MNAT1: variants seen among roughly 807,000 people sequenced by gnomAD.
The protein encoded by MNAT1 is MNAT1 component of CDK activating kinase.
Under a neutral mutation model 42.0 loss-of-function variants are expected in MNAT1, and 43 were observed. That is an observed-to-expected ratio of 1.02 (90% CI 0.80 to 1.32). The LOEUF (loss-of-function observed/expected upper bound fraction) is 1.32. MNAT1 is among the 40% of genes most tolerant of loss of function. The probability of loss-of-function intolerance (pLI) is 0.00; values close to 1 mark genes in which losing one functional copy is unlikely to be tolerated. For missense variants in MNAT1, 306 were observed against 350.4 expected, an observed-to-expected ratio of 0.87 and a Z score of 1.01; for synonymous variants, 118 against 120.0, an observed-to-expected ratio of 0.98 and a Z score of 0.11.
intron 4 of MNAT1, among the ~76,000 whole-genome samples, chr14:60,810,553 G>A (rs1474491411): frequency 6.6e-6 from 1 of 151,948 alleles, no homozygotes; most frequent in African/African-American, 2.4e-5. Context: ...GTTTTTGTTT[G>A]TCCTGAGGTA....
chr14:60,944,209 G>T (rs2036229939), intron 7 of MNAT1, among the ~76,000 whole-genome samples: 1 of 152,166 alleles, frequency 6.6e-6, no homozygotes, highest in African/African-American at 2.4e-5. Flanking sequence ...CTCTTACCCT[G>T]AAGAAAATGA....
chr14:60,908,873 T>C (rs1350801469), intron 7 of MNAT1, among the ~76,000 whole-genome samples: 1 of 152,220 alleles, frequency 6.6e-6, no homozygotes, highest in South Asian at 2.1e-4. Flanking sequence ...GTATTTCTAG[T>C]TCTAGATCCC....
At chr14:60,765,959 A>T (rs1053473083) in intron 1 of MNAT1, among the ~76,000 whole-genome samples, 1 of 152,224 alleles carries the variant, frequency 6.6e-6, no homozygotes, top group African/African-American at 2.4e-5. Flanking sequence ...CTTAAAAATG[A>T]TTAATTCTTT....
chr14:60,941,371 A>G (rs543358497), intron 7 of MNAT1, among the ~76,000 whole-genome samples: 1 of 152,186 alleles, frequency 6.6e-6, no homozygotes. Flanking sequence ...GTGAAACAAA[A>G]GTTTGTTCTC....
At chr14:60,803,424 C>CT (rs2032271659) in intron 3 of MNAT1, among the ~76,000 whole-genome samples, 3 of 152,286 alleles carry the variant, frequency 2.0e-5, no homozygotes, top group East Asian at 1.9e-4. Flanking sequence ...TTTTGAAACT[C>CT]TAAGAGACAG....
At chr14:60,898,127 G>A (rs1423550501) in intron 7 of MNAT1, among the ~76,000 whole-genome samples, 1 of 93,008 alleles carries the variant, frequency 1.1e-5, no homozygotes, top group Non-Finnish European at 2.3e-5. Context: ...GTGTGTGTGT[G>A]TGTGTGTGTG....
chr14:60,865,482 A>G (rs2034183582), intron 6 of MNAT1, among the ~76,000 whole-genome samples: 1 of 152,128 alleles, frequency 6.6e-6, no homozygotes, highest in African/African-American at 2.4e-5. Flanking sequence ...AAATTAATGC[A>G]GACTCTTTTA....
chr14:60,869,023 C>CATATATATATATATATATATATAT (rs1169429243), intron 6 of MNAT1, among the ~76,000 whole-genome samples: 34 of 101,736 alleles, frequency 3.3e-4, no homozygotes, highest in Admixed American at 6.0e-4. Context: ...TTATTTTATA[C>CATATATATATATATATATATATAT]ATATATATAT....
chr14:60,798,401 A>T (rs894345622), intron 3 of MNAT1, among the ~76,000 whole-genome samples: 5 of 152,226 alleles, frequency 3.3e-5, no homozygotes, highest in Non-Finnish European at 7.3e-5. Flanking sequence ...GTAACACTTC[A>T]TAGCTGGGGA....
In MNAT1 at chr14:60,797,008, A is replaced by G. The variant is rs140711305; in HGVS notation, c.242+639A>G. Among the ~76,000 whole-genome samples the G allele has an allele frequency of 3.5e-3, 529 of 152,128 alleles. 3 individuals are homozygous for G. The highest frequency in any genetic ancestry group is 0.012 in the African/African-American group (512 of 41,524). Reference sequence around the variant, plus strand: ...TATATGTGTGTATATATGTATATATATACCTATATATTATTAATCTGTCTT... The same window carrying G: ...TATATGTGTGTATATATGTATATATGTACCTATATATTATTAATCTGTCTT... On this transcript the variant is annotated intron_variant, in intron 2 of 7. Transcript: ENST00000261245.
intron 1 of MNAT1, among the ~76,000 whole-genome samples, chr14:60,776,237 C>T (rs577998596): frequency 6.6e-6 from 1 of 151,970 alleles, no homozygotes; most frequent in Admixed American, 6.6e-5. Flanking sequence ...GATGGGAGCT[C>T]CTTGTGAGGT....
chr14:60,789,023 A>G (rs575177942), intron 1 of MNAT1, among the ~76,000 whole-genome samples: 9 of 152,234 alleles, frequency 5.9e-5, no homozygotes, highest in African/African-American at 1.4e-4. Context: ...CTTTTGGGCT[A>G]TCTCAGCTTA....
chr14:60,788,663 C>T (rs1267955924), intron 1 of MNAT1, among the ~76,000 whole-genome samples: 1 of 152,196 alleles, frequency 6.6e-6, no homozygotes, highest in Non-Finnish European at 1.5e-5. Flanking sequence ...GCCTCCATAT[C>T]AGCACTTGCT....
intron 7 of MNAT1, among the ~76,000 whole-genome samples, chr14:60,901,770 A>G (rs372201145): frequency 5.3e-5 from 8 of 152,338 alleles, no homozygotes; most frequent in South Asian, 2.1e-4. Flanking sequence ...CTGAATTACT[A>G]CAGTCTTATA....
At chr14:60,966,774 A>G (rs1315459754) in intron 7 of MNAT1, among the ~76,000 whole-genome samples, 1 of 152,188 alleles carries the variant, frequency 6.6e-6, no homozygotes, top group African/African-American at 2.4e-5. Flanking sequence ...TTGGCCTTCC[A>G]AAGTGCTGGG....
intron 7 of MNAT1, among the ~76,000 whole-genome samples, chr14:60,942,655 G>A (rs1001350892): frequency 1.3e-5 from 2 of 151,750 alleles, no homozygotes; most frequent in African/African-American, 2.4e-5. Flanking sequence ...ATATTAAATC[G>A]AAAATTTGTA....
Position 60,838,218 on chromosome 14 carries a change from T to C in MNAT1, c.687+19371T>C, listed in dbSNP as rs4151245. Among the ~76,000 whole-genome samples the C allele has an allele frequency of 4.9e-3, 750 of 151,996 alleles. 6 individuals are homozygous for C. The highest frequency in any genetic ancestry group is 0.017 in the African/African-American group (717 of 41,454). On this transcript the variant is annotated intron_variant, in intron 6 of 7. Coordinates refer to ENST00000261245, the MANE Select transcript of MNAT1 (RefSeq NM_002431.4). ...GGGGGCGATCACTGCTCAATGCAGG[T>C]TCTACTTCCTGGGCTCAAGCAGTTA...
At chr14:60,775,996 G>C (rs1266696750) in intron 1 of MNAT1, among the ~76,000 whole-genome samples, 1 of 152,200 alleles carries the variant, frequency 6.6e-6, no homozygotes, top group Non-Finnish European at 1.5e-5. Flanking sequence ...GTAAGGTTAT[G>C]AGATGTTTTT....
chr14:60,828,532 GT>G lies in MNAT1; in HGVS notation c.687+9697del, dbSNP rs751114934. Reference sequence around the variant, plus strand: ...AGAACACTTTTGGTCACCAAAATGTGTTTTTTTTTTTTGGTTGTTATTTCGT... The same window carrying G: ...AGAACACTTTTGGTCACCAAAATGTGTTTTTTTTTTTGGTTGTTATTTCGT... On this transcript the variant is annotated intron_variant, in intron 6 of 7. Transcript: ENST00000261245. Among the ~76,000 whole-genome samples the G allele has an allele frequency of 5.9e-3, 842 of 141,578 alleles. 14 individuals are homozygous for G. Among genetic ancestry groups the G allele is most frequent in the African/African-American group, 0.019 (746 of 39,086 alleles). The allele number at this position is 141,578 out of a possible 152,430, so 92.9% of individuals were successfully genotyped here.
Sources: gnomAD v4.1 joint callset for allele counts (sites outside exome capture counted in the v4.1 genomes callset) on GRCh38, gnomAD v4.1.1 for gene constraint, MANE v1.5 for transcripts, NCBI Gene and HGNC (gene_info 2026-07-23, HGNC 2026-07-21) for gene names.